The following PACRG variants were observed in gnomAD, a reference collection of about 807,000 sequenced individuals.
PACRG encodes parkin coregulated gene protein.
Under a neutral mutation model 29.7 loss-of-function variants are expected in PACRG, and 29 were observed. The observed-to-expected ratio is 0.98, with a 90% CI of 0.73 to 1.33. The LOEUF (loss-of-function observed/expected upper bound fraction) is 1.33. Among genes scored for constraint, PACRG ranks in the 40% most tolerant of loss-of-function variants. The pLI is 0.00. For missense variants in PACRG, 279 were observed against 316.2 expected (o/e 0.88, Z 0.89); for synonymous variants, 116 against 118.7 (o/e 0.98, Z 0.15).
intron 1 of PACRG, among the ~76,000 whole-genome samples, chr6:162,756,698 A>G (rs754284762): frequency 6.6e-6 from 1 of 151,798 alleles, no homozygotes; most frequent in Non-Finnish European, 1.5e-5. Flanking sequence ...AATTTTTTTT[A>G]TTGTTGTTTT....
intron 4 of PACRG, among the ~76,000 whole-genome samples, chr6:163,248,146 G>A (rs1314009043): frequency 1.3e-5 from 2 of 152,226 alleles, no homozygotes; most frequent in Non-Finnish European, 2.9e-5. Flanking sequence ...TGGCAAGAAA[G>A]AGACACACAG....
intron 4 of PACRG, among the ~76,000 whole-genome samples, chr6:163,268,800 C>T (rs1451232277): frequency 1.3e-5 from 2 of 152,114 alleles, no homozygotes; most frequent in Non-Finnish European, 2.9e-5. Context: ...GTTTTTCTTT[C>T]TTTGAGTGGC....
At chr6:162,939,456 T>C (rs1382790376) in intron 2 of PACRG, among the ~76,000 whole-genome samples, 3 of 152,188 alleles carry the variant, frequency 2.0e-5, no homozygotes, top group Non-Finnish European at 2.9e-5. Flanking sequence ...AGTATCTCAT[T>C]TGGGCCCAGA....
At chr6:163,065,437 C>T (rs567181081) in intron 3 of PACRG, among the ~76,000 whole-genome samples, 7 of 152,112 alleles carry the variant, frequency 4.6e-5, no homozygotes, top group Non-Finnish European at 1.0e-4. Context: ...TCTCCGCATA[C>T]GAAATTCAGA....
At chr6:162,941,336 C>G (rs1401495705) in intron 2 of PACRG, among the ~76,000 whole-genome samples, 2 of 152,276 alleles carry the variant, frequency 1.3e-5, no homozygotes, top group East Asian at 3.9e-4. Context: ...CGTCTTGTAT[C>G]CAGCACATGA....
chr6:163,170,484 A>G (rs572251045), intron 4 of PACRG: 1 of 152,072 alleles, frequency 6.6e-6, no homozygotes, highest in South Asian at 2.1e-4. Context: ...CATTTTGAAA[A>G]CTACCCAGAA....
chr6:163,312,982 C>T (rs1035360804), intron 4 of PACRG: 1 of 243,656 alleles, frequency 4.1e-6, no homozygotes, highest in Non-Finnish European at 8.2e-6. Context: ...TCTCAAACTC[C>T]TGGTCTCAAG....
chr6:162,874,151 A>AAAAAAAT (rs67812561), intron 2 of PACRG, among the ~76,000 whole-genome samples: 45 of 136,294 alleles, frequency 3.3e-4, no homozygotes, highest in East Asian at 2.4e-3. Context: ...AAAAAAAAAA[A>AAAAAAAT]ATATATATAT....
rs369491798 is a variant in PACRG, at chr6:162,914,505, TTTG to T, written c.291+100227_291+100229del. Among the ~76,000 whole-genome samples, 490 of 96,940 alleles carry T rather than the reference TTTG, an allele frequency of 5.1e-3. 6 individuals carry two copies. Among genetic ancestry groups the T allele is most frequent in the South Asian group, 0.016 (43 of 2,706 alleles). 63.6% of individuals were successfully genotyped at this position (96,940 alleles called of 152,430 possible). A position where few individuals can be genotyped will look rare whatever the true frequency, so the allele number is the denominator to read the frequency against. On this transcript the variant is annotated intron_variant, in intron 2 of 4. Transcript: ENST00000366888. ...ATAAGGTCTCAAAGTTTTGTACTTTTTTGTTTTTTTTTTTTTTTTTTTTTTAGT... is the reference window on the plus strand; with the variant it reads ...ATAAGGTCTCAAAGTTTTGTACTTTTTTTTTTTTTTTTTTTTTTTTTTAGT...
At position 162,832,607 on chromosome 6, in the gene PACRG, G is replaced by A. The variant is rs1427564393; in HGVS notation, c.291+18326G>A. On this transcript the variant is annotated intron_variant, in intron 2 of 4. Transcript: ENST00000366888. ...TATTATATTCTTTAGCTTCTGCTGGGATTTGCTGTGTAAAAGAGAGTGGGA... is the reference window on the plus strand; with the variant it reads ...TATTATATTCTTTAGCTTCTGCTGGAATTTGCTGTGTAAAAGAGAGTGGGA... 2.0e-5 allele frequency among the ~76,000 whole-genome samples: 3 copies of A among 152,022 alleles called. No individual in the cohort carries two copies. In the East Asian group the frequency reaches 5.8e-4, roughly 29 times the overall value.
intron 2 of PACRG, among the ~76,000 whole-genome samples, chr6:163,010,339 AG>A (rs1189643705): frequency 9.8e-5 from 15 of 152,362 alleles, no homozygotes; most frequent in African/African-American, 3.6e-4. Flanking sequence ...CAGAAGCACC[AG>A]GGAGAATTGA....
At chr6:163,093,080 C>A (rs1486463741) in intron 4 of PACRG, among the ~76,000 whole-genome samples, 1 of 152,242 alleles carries the variant, frequency 6.6e-6, no homozygotes, top group African/African-American at 2.4e-5. Context: ...CAGATTCATT[C>A]ACTGGTAACA....
intron 4 of PACRG, among the ~76,000 whole-genome samples, chr6:163,180,924 A>G (rs1328923643): frequency 1.3e-5 from 2 of 152,276 alleles, no homozygotes; most frequent in East Asian, 3.9e-4. Flanking sequence ...CATTTCATGT[A>G]TTTGAAAGCT....
chr6:162,936,139 T>C (rs150278649), intron 2 of PACRG, among the ~76,000 whole-genome samples: 29 of 152,266 alleles, frequency 1.9e-4, no homozygotes, highest in Non-Finnish European at 3.5e-4. Context: ...GGTTTCCCCT[T>C]ATAAAACCAT....
At chr6:162,779,437 C>T (rs552962633) in intron 1 of PACRG, among the ~76,000 whole-genome samples, 2 of 152,298 alleles carry the variant, frequency 1.3e-5, no homozygotes, top group East Asian at 3.9e-4. Flanking sequence ...GATATTTACT[C>T]CCATTACAAT....
chr6:162,814,028 G>GT (rs1391109889), intron 1 of PACRG, 119 bp from the exon 2 acceptor site: 13 of 1,113,672 alleles, frequency 1.2e-5, no homozygotes, highest in Non-Finnish European at 1.6e-5. Context: ...TTGATAATGT[G>GT]TTTTTATCTT....
intron 2 of PACRG, among the ~76,000 whole-genome samples, chr6:162,838,491 G>T (rs1013946157): frequency 1.3e-5 from 2 of 152,238 alleles, no homozygotes; most frequent in East Asian, 1.9e-4. Context: ...TTCAAAGAAG[G>T]CTGGGAAATA....
chr6:163,290,274 GCGCGCACACACA>G (rs1235662528), intron 4 of PACRG, among the ~76,000 whole-genome samples: 14 of 87,030 alleles, frequency 1.6e-4, no homozygotes, highest in African/African-American at 2.8e-4. Flanking sequence ...GCACGCGCGC[GCGCGCACACACA>G]CACACACACA....
At chr6:163,106,136 A>G (rs1236922037) in intron 4 of PACRG, among the ~76,000 whole-genome samples, 1 of 152,160 alleles carries the variant, frequency 6.6e-6, no homozygotes, top group Non-Finnish European at 1.5e-5. Flanking sequence ...CAGATGAGAA[A>G]ATGAATGCAG....
Sources: gnomAD v4.1 joint callset for allele counts (sites outside exome capture counted in the v4.1 genomes callset) on GRCh38, gnomAD v4.1.1 for gene constraint, MANE v1.5 for transcripts, NCBI Gene and HGNC (gene_info 2026-07-23, HGNC 2026-07-21) for gene names.